JAG1: variants seen among roughly 807,000 people sequenced by gnomAD.
JAG1 encodes jagged canonical Notch ligand 1, also known as protein jagged-1.
Under a neutral mutation model 148.7 loss-of-function variants are expected in JAG1, and 23 were observed. The observed-to-expected ratio is 0.15, with a 90% CI of 0.11 to 0.22. The LOEUF (loss-of-function observed/expected upper bound fraction) is 0.22. Ranked by LOEUF, JAG1 falls within the 10% of genes least tolerant of loss-of-function variation. The pLI is 1.00. For missense variants in JAG1, 1,054 were observed against 1,611.2 expected (o/e 0.65, Z 5.92); for synonymous variants, 572 against 598.3 (o/e 0.96, Z 0.64).
chr20:10,651,834 T>C, intron 7 of JAG1, 140 bp from the exon 8 acceptor site: 1 of 710,994 alleles, frequency 1.4e-6, no homozygotes. Flanking sequence ...GATAGAACCC[T>C]GCTGTGTCTA....
Position 10,639,021 on chromosome 20 carries a change from AAAT to A in JAG1, c.*474_*476del, listed in dbSNP as rs1438560885. On this transcript the variant is annotated 3_prime_UTR_variant, in exon 26 of 26. Transcript: ENST00000254958. ...CAACAAAAATACAATTAAAAAAAAT[AAAT>A]AATAAAGTCATTTGTGATCGTTGCT... 1 of 156,030 alleles carries A rather than the reference AAAT, an allele frequency of 6.4e-6. No homozygotes were observed. The highest frequency in any genetic ancestry group is 1.4e-5 in the Non-Finnish European group (1 of 69,910). 9.7% of individuals were successfully genotyped at this position (156,030 alleles called of 1,614,324 possible). A position where few individuals can be genotyped will look rare whatever the true frequency, so the allele number is the denominator to read the frequency against.
chr20:10,672,675 G>A, intron 2 of JAG1, 26 bp downstream of exon 2: 1 of 1,609,358 alleles, frequency 6.2e-7, no homozygotes, highest in South Asian at 1.1e-5. Context: ...GGCTCCGCCC[G>A]GCCTCCTTCC....
Position 10,644,906 on chromosome 20 carries a change from C to G in JAG1, c.2301G>C (p.Thr767=). 1.9e-6 allele frequency: 3 copies of G among 1,614,116 alleles called. No homozygotes were observed. The highest frequency in any genetic ancestry group is 8.5e-7 in the Non-Finnish European group (1 of 1,180,020). Residue 767 remains threonine (T), a synonymous_variant, in exon 18 of 26, where the codon ACG becomes ACC. Transcript: ENST00000254958. ...GTCVVNGESF[T]CVCKEGWEGP... ...CCTCCCAGCCTTCCTTGCAGACGCA[C>G]GTAAAGGACTCGCCGTTGACCACAC...
At chr20:10,655,335 G>T (rs541019229) in intron 5 of JAG1, among the ~76,000 whole-genome samples, 17 of 152,328 alleles carry the variant, frequency 1.1e-4, no homozygotes, top group Admixed American at 3.3e-4. Context: ...TTCTATGGAT[G>T]TGGGACGGAG....
At chr20:10,643,910 C>T (rs1336423774) in intron 19 of JAG1, 47 bp from the exon 20 acceptor site, 1 of 1,412,720 alleles carries the variant, frequency 7.1e-7, no homozygotes, top group Non-Finnish European at 1.0e-6. Context: ...CAGTCCATTA[C>T]TCTGGCTGCC....
chr20:10,656,581 TC>T lies in JAG1; in HGVS notation c.695-124del. 8 of 790,178 alleles carry T rather than the reference TC, an allele frequency of 1.0e-5. No homozygotes were observed. The South Asian group carries it at 1.2e-4, about 11-fold the overall frequency. The allele number at this position is 790,178 out of a possible 1,614,324, so 48.9% of individuals were successfully genotyped here. A position where few individuals can be genotyped will look rare whatever the true frequency, so the allele number is the denominator to read the frequency against. On this transcript the variant is annotated intron_variant, in intron 4 of 25. Coordinates refer to ENST00000254958, the MANE Select transcript of JAG1 (RefSeq NM_000214.3). ...CGATTTTAACAGGTCTCATATCAAG[TC>T]CCTTGTAAGGAGAGGAAGATGGGAG...
chr20:10,665,663 C>T (rs1284371447), intron 2 of JAG1, among the ~76,000 whole-genome samples: 2 of 152,158 alleles, frequency 1.3e-5, no homozygotes, highest in Non-Finnish European at 2.9e-5. Flanking sequence ...CCTTCATTTG[C>T]TGGTCACGTT....
intron 5 of JAG1, 189 bp from the exon 6 acceptor site, chr20:10,652,787 C>A: frequency 1.9e-6 from 1 of 534,378 alleles, no homozygotes; most frequent in South Asian, 2.0e-5. Context: ...GGTCCCCTCC[C>A]AGCCGACTCC....
At chr20:10,661,553 A>C (rs1001583898) in intron 3 of JAG1, among the ~76,000 whole-genome samples, 1 of 152,228 alleles carries the variant, frequency 6.6e-6, no homozygotes, top group Non-Finnish European at 1.5e-5. Context: ...GATGGACAAC[A>C]CGGTGTGTAA....
Position 10,668,092 on chromosome 20 carries a change from TA to T in JAG1, c.388-4079del, listed in dbSNP as rs58852175. On this transcript the variant is annotated intron_variant, in intron 2 of 25. Transcript: ENST00000254958. ...CCAATGGTAGATGTCACTGGCACCATAAAAAAAAAAAAAAAAAAAAAAAACA... is the reference window on the plus strand; with the variant it reads ...CCAATGGTAGATGTCACTGGCACCATAAAAAAAAAAAAAAAAAAAAAAACA... Among the ~76,000 whole-genome samples the T allele has an allele frequency of 5.0e-3, 531 of 107,198 alleles. 2 individuals are homozygous for T. The highest frequency in any genetic ancestry group is 0.027 in the Middle Eastern group (6 of 222). 70.3% of individuals were successfully genotyped at this position (107,198 alleles called of 152,430 possible).
rs780243244 is a variant in JAG1 at position 10,645,382 on chromosome 20, C to T, written c.2087G>A (p.Gly696Glu). The T allele has an allele frequency of 2.5e-6, 4 of 1,612,840 alleles. No homozygotes were observed. In the African/African-American group the frequency reaches 4.0e-5, roughly 16 times the overall value. ...TGAGTGGCAGGTCTTTCCTTTCCACCCATTTTTACAGTCACAGTAGAAGTC... is the reference window on the plus strand; with the variant it reads ...TGAGTGGCAGGTCTTTCCTTTCCACTCATTTTTACAGTCACAGTAGAAGTC... ...VNDFYCDCKN[G>E]WKGKTCHSRD... Residue 696 changes from glycine to glutamate, a missense_variant, in exon 16 of 26, where the codon GGG becomes GAG. Physicochemically the swap from Gly to Glu is moderately conservative, Grantham distance 98. Transcript: ENST00000254958. The surrounding 1 kb of genome is among the most constrained non-coding windows in gnomAD (Gnocchi z 6.1).
rs753832570 is a variant in JAG1, at chr20:10,639,671, C to T, written c.3484G>A (p.Asp1162Asn). ...AACCGGGCTTTCTGCTGGTGTTTGT[C>T]CATGTCGTCCTCTTCTACTTCAGAA... is the stretch of plus-strand genomic sequence containing the variant. Reference protein sequence around the residue: ...HNSEVEEDDMDKHQQKARFAK... With the variant: ...HNSEVEEDDMNKHQQKARFAK... Residue 1162 changes from aspartate to asparagine, a missense_variant, in exon 26 of 26, where the codon GAC becomes AAC. Around this residue, in one of 6 missense-constraint regions of JAG1, gnomAD observed 177 missense variants for 177.3 expected, o/e 1.00. Transcript: ENST00000254958. 2 of 1,614,216 alleles carry T rather than the reference C, an allele frequency of 1.2e-6. No homozygotes were observed. The highest frequency in any genetic ancestry group is 1.7e-6 in the Non-Finnish European group (2 of 1,180,040).
chr20:10,650,546 C>T, intron 8 of JAG1, 186 bp from the exon 9 acceptor site: 1 of 589,440 alleles, frequency 1.7e-6, no homozygotes. Context: ...GCTTTAAATC[C>T]CCCACTGCCC....
chr20:10,642,375 A>G, intron 21 of JAG1, 113 bp downstream of exon 21: 1 of 682,166 alleles, frequency 1.5e-6, no homozygotes, highest in Non-Finnish European at 2.7e-6. Context: ...TTGTAGTCCC[A>G]CTGTGTGTTC....
intron 7 of JAG1, among the ~76,000 whole-genome samples, 154 bp downstream of exon 7, chr20:10,651,977 A>G (rs2067349708): frequency 1.3e-5 from 2 of 152,226 alleles, no homozygotes; most frequent in South Asian, 2.1e-4. Context: ...TAGAGACTTG[A>G]AAGTTACAAA....
At chr20:10,648,193 A>C (rs550417197) in intron 12 of JAG1, 83 bp from the exon 13 acceptor site, 321 of 1,525,152 alleles carry the variant, frequency 2.1e-4, no homozygotes, top group Non-Finnish European at 2.7e-4. Flanking sequence ...GGCAGCAGGC[A>C]CTGGAATCTG....
chr20:10,652,008 T>TA (rs1568797931), intron 7 of JAG1, 123 bp downstream of exon 7: 2 of 1,138,180 alleles, frequency 1.8e-6, no homozygotes, highest in African/African-American at 3.1e-5. Flanking sequence ...ATGGTTGGGA[T>TA]AAGGCCTATC....
rs1215267293 is a variant in JAG1, at chr20:10,673,684, C to A, written c.-154G>T. 3 of 282,262 alleles carry A rather than the reference C, an allele frequency of 1.1e-5. No individual in the cohort carries two copies. The East Asian group carries it at 2.1e-4, about 20-fold the overall frequency. 17.5% of individuals were successfully genotyped at this position (282,262 alleles called of 1,614,324 possible). A position where few individuals can be genotyped will look rare whatever the true frequency, so the allele number is the denominator to read the frequency against. Reference sequence around the variant, plus strand: ...GAGCATGCACGACTGGAAAACAACACCACTTTTCAAAAGCCCTTTCAAGAG... The same window carrying A: ...GAGCATGCACGACTGGAAAACAACAACACTTTTCAAAAGCCCTTTCAAGAG... On this transcript the variant is annotated 5_prime_UTR_variant, in exon 1 of 26. Transcript: ENST00000254958. This position sits in a 1 kb window ranked among gnomAD's most constrained non-coding sequence, Gnocchi z 4.7.
intron 3 of JAG1, among the ~76,000 whole-genome samples, chr20:10,660,992 G>A (rs2067413230): frequency 6.6e-6 from 1 of 152,202 alleles, no homozygotes; most frequent in Admixed American, 6.5e-5. Flanking sequence ...AGCCGAGAAA[G>A]CTAAGCTACA....
Sources: gnomAD v4.1 joint callset for allele counts (sites outside exome capture counted in the v4.1 genomes callset) on GRCh38, gnomAD v4.1.1 for gene constraint, gnomAD v4.1.1 regional missense constraint, Gnocchi (gnomAD v3.1) non-coding constraint, MANE v1.5 for transcripts, NCBI Gene and HGNC (gene_info 2026-07-23, HGNC 2026-07-21) for gene names.